ITSN1: variants seen among roughly 807,000 people sequenced by gnomAD.
The protein encoded by ITSN1 is intersectin 1.
A neutral mutation model predicts 239.8 loss-of-function variants in ITSN1; 58 were observed. The observed-to-expected ratio is 0.24, with a 90% CI of 0.20 to 0.30. ITSN1 has a LOEUF of 0.30. Ranked by LOEUF, ITSN1 falls within the 10% of genes least tolerant of loss-of-function variation. The probability of loss-of-function intolerance (pLI) is 1.00; values close to 1 mark genes in which losing one functional copy is unlikely to be tolerated. For missense variants in ITSN1, 1,558 were observed against 2,103.3 expected, an observed-to-expected ratio of 0.74 and a Z score of 5.07; for synonymous variants, 780 against 770.8, an observed-to-expected ratio of 1.01 and a Z score of -0.20.
At chr21:33,850,060 C>A (rs2075109716) in intron 29 of ITSN1, among the ~76,000 whole-genome samples, 2 of 152,168 alleles carry the variant, frequency 1.3e-5, no homozygotes, top group Admixed American at 1.3e-4. Context: ...CATTATGAAG[C>A]TATGAATGAT....
intron 1 of ITSN1, among the ~76,000 whole-genome samples, chr21:33,704,691 G>A (rs1297611604): frequency 6.6e-6 from 1 of 151,994 alleles, no homozygotes; most frequent in African/African-American, 2.4e-5. Context: ...CACCAAAATT[G>A]ACTTCATTAT....
chr21:33,798,307 C>T (rs2071719952), intron 18 of ITSN1, among the ~76,000 whole-genome samples: 1 of 149,720 alleles, frequency 6.7e-6, no homozygotes, highest in South Asian at 2.1e-4. Flanking sequence ...ACTTTGTTGT[C>T]CAGGTTGGTC....
chr21:33,861,370 C>T (rs757123134), intron 31 of ITSN1, among the ~76,000 whole-genome samples: 21 of 152,048 alleles, frequency 1.4e-4, no homozygotes, highest in Non-Finnish European at 2.9e-4. Context: ...GTCTGCTACT[C>T]CTGATCCTAC....
chr21:33,887,319 C>A (rs1346320339), intron 39 of ITSN1, among the ~76,000 whole-genome samples: 85 of 144,296 alleles, frequency 5.9e-4, no homozygotes, highest in South Asian at 6.7e-4. Context: ...ATCCTGTCTC[C>A]AAAAAAAAAA....
At chr21:33,814,302 C>A in intron 22 of ITSN1, 1 of 507,216 alleles carries the variant, frequency 2.0e-6, no homozygotes, top group Non-Finnish European at 3.5e-6. Context: ...ATGAAGGAAG[C>A]TTCATTGCAG....
At chr21:33,809,223 AG>A (rs2072710133) in intron 20 of ITSN1, among the ~76,000 whole-genome samples, 1 of 152,252 alleles carries the variant, frequency 6.6e-6, no homozygotes, top group Admixed American at 6.5e-5. Context: ...AGAACTGTGA[AG>A]CCAAAAATTC....
chr21:33,771,841 A>G (rs1254470195), intron 11 of ITSN1, among the ~76,000 whole-genome samples: 2 of 152,190 alleles, frequency 1.3e-5, no homozygotes, highest in African/African-American at 4.8e-5. Context: ...CTGCTAGATA[A>G]GGATCTTTTA....
chr21:33,772,378 G>C, intron 12 of ITSN1, 55 bp downstream of exon 12: 1 of 1,535,182 alleles, frequency 6.5e-7, no homozygotes, highest in South Asian at 1.2e-5. Flanking sequence ...CCCCTTTTCA[G>C]AATTATCCAA....
chr21:33,836,063 C>T (rs2074583951), intron 28 of ITSN1, among the ~76,000 whole-genome samples: 1 of 152,186 alleles, frequency 6.6e-6, no homozygotes, highest in Non-Finnish European at 1.5e-5. Flanking sequence ...CCCCATGATA[C>T]ATAGCTGTCC....
At chr21:33,739,268 A>G (rs1224253902) in intron 5 of ITSN1, among the ~76,000 whole-genome samples, 5 of 152,196 alleles carry the variant, frequency 3.3e-5, no homozygotes, top group Admixed American at 1.3e-4. Context: ...AGGAAATTCT[A>G]TGGGTAGACT....
chr21:33,694,887 T>G (rs546974871), intron 1 of ITSN1, among the ~76,000 whole-genome samples: 93 of 152,312 alleles, frequency 6.1e-4, no homozygotes, highest in Non-Finnish European at 9.7e-4. Flanking sequence ...CAATCATGGT[T>G]CTCTGCAGCC....
At chr21:33,670,787 A>G (rs2090220890) in intron 1 of ITSN1, among the ~76,000 whole-genome samples, 1 of 152,234 alleles carries the variant, frequency 6.6e-6, no homozygotes, top group South Asian at 2.1e-4. Flanking sequence ...CTAGGATCAC[A>G]TGCTCACTAG....
At chr21:33,744,598 G>A (rs930251949) in intron 5 of ITSN1, among the ~76,000 whole-genome samples, 2 of 152,130 alleles carry the variant, frequency 1.3e-5, no homozygotes, top group African/African-American at 4.8e-5. Context: ...GAGTTTCTTG[G>A]AGAAATGGCT....
At chr21:33,766,614 AAG>A (rs1394915593) in intron 10 of ITSN1, among the ~76,000 whole-genome samples, 8 of 152,234 alleles carry the variant, frequency 5.3e-5, no homozygotes, top group Non-Finnish European at 1.0e-4. Flanking sequence ...AGGAGAATGA[AAG>A]AAAGATTAAG....
At chr21:33,852,983 AAATTT>A (rs1337017310) in intron 29 of ITSN1, among the ~76,000 whole-genome samples, 11 of 152,208 alleles carry the variant, frequency 7.2e-5, no homozygotes, top group Non-Finnish European at 1.3e-4. Flanking sequence ...TCTAAATATT[AAATTT>A]TCAAAGGAAG....
At chr21:33,774,570 C>G in intron 12 of ITSN1, 159 bp from the exon 13 acceptor site, 2 of 619,076 alleles carry the variant, frequency 3.2e-6, no homozygotes, top group Non-Finnish European at 5.7e-6. Context: ...AGAAGGAATA[C>G]TGTATTTTTA....
chr21:33,685,139 A>G (rs2091175780), intron 1 of ITSN1, among the ~76,000 whole-genome samples: 1 of 152,228 alleles, frequency 6.6e-6, no homozygotes, highest in African/African-American at 2.4e-5. Flanking sequence ...TCATAGTGAC[A>G]ATAGAAACCA....
chr21:33,677,589 C>T lies in ITSN1; in HGVS notation c.-33+34876C>T, dbSNP rs546748676. ...ATCTGGCATCAAGTGATCCACCCGC[C>T]TAGGCCTCCCAAAGTGCTGGGATTA... On this transcript the variant is annotated intron_variant, in intron 1 of 39. Transcript: ENST00000381318. 3.1e-4 allele frequency among the ~76,000 whole-genome samples: 47 copies of T among 152,268 alleles called. 1 individual carries two copies. The South Asian group carries it at 9.5e-3, about 31-fold the overall frequency.
intron 16 of ITSN1, among the ~76,000 whole-genome samples, chr21:33,791,252 G>A (rs1029795109): frequency 1.3e-5 from 2 of 152,320 alleles, no homozygotes; most frequent in South Asian, 4.1e-4. Flanking sequence ...TCTCAGCAGT[G>A]TTTGACTTGG....
Sources: gnomAD v4.1 joint callset for allele counts (sites outside exome capture counted in the v4.1 genomes callset) on GRCh38, gnomAD v4.1.1 for gene constraint, MANE v1.5 for transcripts, NCBI Gene and HGNC (gene_info 2026-07-23, HGNC 2026-07-21) for gene names.